STXBP6: variants seen among roughly 807,000 people sequenced by gnomAD.
The protein encoded by STXBP6 is syntaxin binding protein 6, also known as syntaxin-binding protein 6.
STXBP6 carries 21 observed loss-of-function variants against 26.9 expected under a neutral mutation model. The ratio of observed to expected loss-of-function variants is 0.78; its 90% CI spans 0.55 to 1.12. The LOEUF is 1.12. Ranked by LOEUF, STXBP6 falls within the 50% of genes most tolerant of loss-of-function variation. The pLI is 0.00. For missense variants in STXBP6, 232 were observed against 257.9 expected (o/e 0.90, Z 0.69); for synonymous variants, 97 against 92.6 (o/e 1.05, Z -0.27).
At chr14:24,868,372 A>C (rs2069799683) in intron 2 of STXBP6, among the ~76,000 whole-genome samples, 1 of 152,192 alleles carries the variant, frequency 6.6e-6, no homozygotes. Flanking sequence ...ATTAGGGAGA[A>C]GCAAATTAAA....
At chr14:25,045,484 T>A (rs977360264) in intron 1 of STXBP6, among the ~76,000 whole-genome samples, 1 of 151,666 alleles carries the variant, frequency 6.6e-6, no homozygotes, top group Non-Finnish European at 1.5e-5. Context: ...TCTACCAGAA[T>A]AAGGAACTAA....
At chr14:25,025,997 T>C (rs2075342955) in intron 1 of STXBP6, among the ~76,000 whole-genome samples, 1 of 152,222 alleles carries the variant, frequency 6.6e-6, no homozygotes. Flanking sequence ...CCTGATCACA[T>C]TGTCTTCCGT....
At chr14:24,911,938 T>A (rs2071589377) in intron 2 of STXBP6, among the ~76,000 whole-genome samples, 1 of 152,210 alleles carries the variant, frequency 6.6e-6, no homozygotes, top group Non-Finnish European at 1.5e-5. Flanking sequence ...GGAGAGTTAC[T>A]CAACTTTCTT....
chr14:25,043,450 A>C (rs1478447835), intron 1 of STXBP6, among the ~76,000 whole-genome samples: 2 of 152,218 alleles, frequency 1.3e-5, no homozygotes, highest in Middle Eastern at 3.2e-3. Context: ...ATTTTAAAAA[A>C]TTTAATAATT....
intron 2 of STXBP6, among the ~76,000 whole-genome samples, chr14:24,861,475 G>A (rs951396225): frequency 6.6e-6 from 1 of 152,116 alleles, no homozygotes. Flanking sequence ...ACGTGGCCAA[G>A]GTGAGAAATA....
chr14:24,937,561 A>G (rs941920299), intron 2 of STXBP6, among the ~76,000 whole-genome samples: 3 of 152,234 alleles, frequency 2.0e-5, no homozygotes, highest in African/African-American at 7.2e-5. Flanking sequence ...CTGGCTAGCC[A>G]TTTAAAGATG....
At chr14:24,980,371 A>T (rs992266438) in intron 1 of STXBP6, among the ~76,000 whole-genome samples, 2 of 152,232 alleles carry the variant, frequency 1.3e-5, no homozygotes, top group Non-Finnish European at 2.9e-5. Flanking sequence ...ACAGTTCTCA[A>T]GTTGAAAGCT....
At position 25,002,203 on chromosome 14, in the gene STXBP6, C is replaced by G. The variant is rs567873146; in HGVS notation, c.-32-27353G>C. Among the ~76,000 whole-genome samples, 3 of 152,246 alleles carry G rather than the reference C, an allele frequency of 2.0e-5. No homozygotes were observed. In the South Asian group the frequency reaches 6.2e-4, roughly 32 times the overall value. On this transcript the variant is annotated intron_variant, in intron 1 of 5. Transcript: ENST00000323944. ...AGGCTAGATTAATACTTTCAGGATACTATAAGTGAATTAAAATTCAGAAAA... is the reference window on the plus strand; with the variant it reads ...AGGCTAGATTAATACTTTCAGGATAGTATAAGTGAATTAAAATTCAGAAAA...
intron 2 of STXBP6, among the ~76,000 whole-genome samples, chr14:24,903,121 C>T (rs954363275): frequency 6.6e-6 from 1 of 152,144 alleles, no homozygotes; most frequent in Non-Finnish European, 1.5e-5. Context: ...ACCAAGATTT[C>T]TTTATTGAAT....
chr14:25,012,353 G>C (rs1288899587), intron 1 of STXBP6, among the ~76,000 whole-genome samples: 2 of 152,188 alleles, frequency 1.3e-5, no homozygotes, highest in South Asian at 2.1e-4. Context: ...ACACAGTCAG[G>C]CATGTTGGCT....
chr14:24,953,065 A>C (rs2073224710), intron 2 of STXBP6, among the ~76,000 whole-genome samples: 1 of 152,000 alleles, frequency 6.6e-6, no homozygotes, highest in African/African-American at 2.4e-5. Context: ...AGAAGGCCAC[A>C]CTCCATCTGG....
At chr14:24,987,244 C>T (rs1481168668) in intron 1 of STXBP6, among the ~76,000 whole-genome samples, 1 of 148,348 alleles carries the variant, frequency 6.7e-6, no homozygotes, top group Admixed American at 6.7e-5. Flanking sequence ...CTGACTCGAC[C>T]TGACAGATGT....
chr14:24,847,847 CATT>C (rs1365818044), intron 4 of STXBP6, among the ~76,000 whole-genome samples: 4 of 152,124 alleles, frequency 2.6e-5, no homozygotes, highest in Non-Finnish European at 5.9e-5. Flanking sequence ...ATATTTTAAA[CATT>C]GTTGTTTTGG....
intron 1 of STXBP6, among the ~76,000 whole-genome samples, chr14:25,044,125 T>C (rs1231378359): frequency 7.1e-6 from 1 of 140,082 alleles, no homozygotes; most frequent in Non-Finnish European, 1.5e-5. Context: ...GAGGAGAAAT[T>C]GTGCCACTGC....
Position 25,049,526 on chromosome 14 carries a change from A to G in STXBP6, c.-33+352T>C. ...GGGCAGCATTCTCGGGGCCCATGCC[A>G]TCGCGGGGACGGTGCGGAAAAAAAG... On this transcript the variant is annotated intron_variant, in intron 1 of 5. Transcript: ENST00000323944. The surrounding 1 kb of genome is among the most constrained non-coding windows in gnomAD (Gnocchi z 5.6). The G allele has an allele frequency of 1.0e-6, 1 of 985,424 alleles. No homozygotes were observed. Among genetic ancestry groups the G allele is most frequent in the African/African-American group, 1.7e-5 (1 of 57,338 alleles). 61.0% of individuals were successfully genotyped at this position (985,424 alleles called of 1,614,324 possible).
At chr14:24,925,332 G>A (rs1245087297) in intron 2 of STXBP6, among the ~76,000 whole-genome samples, 2 of 152,162 alleles carry the variant, frequency 1.3e-5, no homozygotes, top group Non-Finnish European at 2.9e-5. Flanking sequence ...TGAACACAAA[G>A]TTGCTAGGAT....
intron 2 of STXBP6, among the ~76,000 whole-genome samples, chr14:24,956,793 C>G (rs2073359315): frequency 1.3e-5 from 2 of 152,198 alleles, no homozygotes; most frequent in Admixed American, 1.3e-4. Context: ...CCAAACTTCA[C>G]TCTTAACAAG....
intron 2 of STXBP6, among the ~76,000 whole-genome samples, chr14:24,885,309 C>T (rs573464621): frequency 2.6e-5 from 4 of 152,312 alleles, no homozygotes; most frequent in African/African-American, 9.6e-5. Flanking sequence ...AGCCAGTCTT[C>T]ATGCTGTGAT....
intron 4 of STXBP6, among the ~76,000 whole-genome samples, chr14:24,837,778 C>T (rs930745766): frequency 5.3e-5 from 8 of 152,202 alleles, no homozygotes; most frequent in Non-Finnish European, 8.8e-5. Context: ...AGCTCTAACA[C>T]GACAAGCTGT....
Sources: gnomAD v4.1 joint callset for allele counts (sites outside exome capture counted in the v4.1 genomes callset) on GRCh38, gnomAD v4.1.1 for gene constraint, Gnocchi (gnomAD v3.1) non-coding constraint, MANE v1.5 for transcripts, NCBI Gene and HGNC (gene_info 2026-07-23, HGNC 2026-07-21) for gene names.